ARID5A: variants seen among roughly 807,000 people sequenced by gnomAD.
ARID5A encodes AT-rich interaction domain 5A.
In ARID5A, 14 loss-of-function variants were observed where a neutral mutation model predicts 30.5. That is an observed-to-expected ratio of 0.46 (90% confidence interval 0.30 to 0.72). The LOEUF is 0.72. ARID5A is among the 30% of genes least tolerant of loss of function. ARID5A has a pLI of 0.07. For synonymous variants in ARID5A, 338 were observed against 340.4 expected (o/e 0.99, Z 0.08); for missense variants, 669 against 786.2 (o/e 0.85, Z 1.78).
Position 96,549,901 on chromosome 2 carries a change from C to T in ARID5A, c.312+96C>T. ...CTCTGGACAGAGGAAGAGCCAGGAT[C>T]CCCAGTCCTACCCCTGCGTCCCTGC... On this transcript the variant is annotated intron_variant, in intron 4 of 6. Coordinates refer to ENST00000357485, the MANE Select transcript of ARID5A (RefSeq NM_212481.3). The surrounding 1 kb of genome is among the most constrained non-coding windows in gnomAD (Gnocchi z 6.1). 6.5e-7 allele frequency: 1 copy of T among 1,547,402 alleles called. No homozygotes were observed.
At chr2:96,548,751 G>A (rs1336444742) in intron 2 of ARID5A, among the ~76,000 whole-genome samples, 1 of 152,218 alleles carries the variant, frequency 6.6e-6, no homozygotes, top group Non-Finnish European at 1.5e-5. Flanking sequence ...AAAGTCCTGT[G>A]CCCCTGACAG....
In ARID5A at chr2:96,550,067, G is replaced by A; in HGVS notation, c.313-121G>A. On this transcript the variant is annotated intron_variant, in intron 4 of 6. Transcript: ENST00000357485. This position sits in a 1 kb window ranked among gnomAD's most constrained non-coding sequence, Gnocchi z 6.6. The stretch of plus-strand genomic sequence containing the variant: ...GAGAGAGAATCGGCTGGCCGCTGCT[G>A]GAGCCGCAGAGCAGCTGCCAAACTG... 2 of 1,532,418 alleles carry A rather than the reference G, an allele frequency of 1.3e-6. No homozygotes were observed. The highest frequency in any genetic ancestry group is 1.7e-6 in the Non-Finnish European group (2 of 1,145,686). The allele number at this position is 1,532,418 out of a possible 1,614,324, so 94.9% of individuals were successfully genotyped here.
chr2:96,550,870 G>A lies in ARID5A; in HGVS notation c.570+137G>A. 2 of 1,317,016 alleles carry A rather than the reference G, an allele frequency of 1.5e-6. No individual in the cohort carries two copies. Among genetic ancestry groups the A allele is most frequent in the Non-Finnish European group, 2.0e-6 (2 of 985,164 alleles). 81.6% of individuals were successfully genotyped at this position (1,317,016 alleles called of 1,614,324 possible). A position where few individuals can be genotyped will look rare whatever the true frequency, so the allele number is the denominator to read the frequency against. On this transcript the variant is annotated intron_variant, in intron 6 of 6. Coordinates refer to ENST00000357485, the MANE Select transcript of ARID5A (RefSeq NM_212481.3). The surrounding 1 kb of genome is among the most constrained non-coding windows in gnomAD (Gnocchi z 6.6). ...CAGGGCGGGACTTGCAAGGTTCCAG[G>A]TTCTCCACAGATGGTTGTGCAAGTG... is the stretch of plus-strand genomic sequence containing the variant.
Position 96,549,240 on chromosome 2 carries a change from CT to C in ARID5A, c.121-80del. ...GGTTGGGGTAGGTACCTTATTCCTC[CT>C]GCAGCCAGTGGTTTCTGCACATCCC... On this transcript the variant is annotated intron_variant, in intron 2 of 6. Transcript: ENST00000357485. The surrounding 1 kb of genome is among the most constrained non-coding windows in gnomAD (Gnocchi z 6.1). 1 of 1,563,234 alleles carries C rather than the reference CT, an allele frequency of 6.4e-7. No individual in the cohort carries two copies. The highest frequency in any genetic ancestry group is 8.7e-7 in the Non-Finnish European group (1 of 1,154,934).
In ARID5A at chr2:96,552,199, G is replaced by T; in HGVS notation, c.1671G>T (p.Thr557=). 2 of 1,613,444 alleles carry T rather than the reference G, an allele frequency of 1.2e-6. No individual in the cohort carries two copies. Among genetic ancestry groups the T allele is most frequent in the East Asian group, 2.2e-5 (1 of 44,884 alleles). ...MAAGLMHFPP[T]SFDSALRHRL... is the part of the protein sequence containing the mutation. ...CTGGCCTGATGCACTTCCCCCCAAC[G>T]TCCTTCGACAGTGCCCTCCGCCACA... Residue 557 remains threonine, a synonymous_variant, in exon 7 of 7, where the codon ACG becomes ACT. Coordinates refer to ENST00000357485, the MANE Select transcript of ARID5A (RefSeq NM_212481.3).
At position 96,552,154 on chromosome 2, in the gene ARID5A, A is replaced by G. The variant is rs375464790; in HGVS notation, c.1626A>G (p.Ala542=). ...TCCCGGCCCACTTCCTGGCCACCGC[A>G]GGCCCCTCGCCCATGGCCGCTGGCC... ...PAFPAHFLAT[A]GPSPMAAGLM... Residue 542 remains alanine (A), a synonymous_variant, in exon 7 of 7, where the codon GCA becomes GCG. Coordinates refer to ENST00000357485, the MANE Select transcript of ARID5A (RefSeq NM_212481.3). The G allele has an allele frequency of 5.0e-6, 8 of 1,612,900 alleles. No individual in the cohort carries two copies. Among genetic ancestry groups the G allele is most frequent in the South Asian group, 1.1e-5 (1 of 91,030 alleles).
In ARID5A at chr2:96,549,918, C is replaced by A; in HGVS notation, c.312+113C>A. 3.3e-6 allele frequency: 5 copies of A among 1,532,190 alleles called. No homozygotes were observed. The highest frequency in any genetic ancestry group is 4.4e-6 in the Non-Finnish European group (5 of 1,137,196). 94.9% of individuals were successfully genotyped at this position (1,532,190 alleles called of 1,614,324 possible). ...GCCAGGATCCCCAGTCCTACCCCTG[C>A]GTCCCTGCCTCCCTGCCTTCCCCGC... is the stretch of plus-strand genomic sequence containing the variant. On this transcript the variant is annotated intron_variant, in intron 4 of 6. Transcript: ENST00000357485. The surrounding 1 kb of genome is among the most constrained non-coding windows in gnomAD (Gnocchi z 6.1).
Position 96,549,261 on chromosome 2 carries a change from C to A in ARID5A, c.121-60C>A. The A allele has an allele frequency of 6.3e-7, 1 of 1,584,730 alleles. No homozygotes were observed. The highest frequency in any genetic ancestry group is 8.6e-7 in the Non-Finnish European group (1 of 1,165,936). ...CCTCCTGCAGCCAGTGGTTTCTGCA[C>A]ATCCCCAGCAGCCAGCCACCAACTG... On this transcript the variant is annotated intron_variant, in intron 2 of 6. Coordinates refer to ENST00000357485, the MANE Select transcript of ARID5A (RefSeq NM_212481.3). The surrounding 1 kb of genome is among the most constrained non-coding windows in gnomAD (Gnocchi z 6.1).
In ARID5A at chr2:96,551,159, C is replaced by A. The variant is rs772290520; in HGVS notation, c.631C>A (p.Pro211Thr). 1.2e-6 allele frequency: 2 copies of A among 1,613,686 alleles called. No individual in the cohort carries two copies. The highest frequency in any genetic ancestry group is 4.5e-5 in the East Asian group (2 of 44,876). The change falls in exon 7 of 7, where the codon CCC becomes ACC. Residue 211 changes from proline to threonine, a missense_variant. Around this residue, in one of 4 missense-constraint regions of ARID5A, gnomAD observed 548 missense variants for 577.4 expected, o/e 0.95. Coordinates refer to ENST00000357485, the MANE Select transcript of ARID5A (RefSeq NM_212481.3). ...ADPAPLPSQE[P>T]PRNSTEQQGL... ...CCCAGCACCACTTCCCAGCCAGGAGCCCCCCAGGAACAGCACAGAACAGCA... is the reference window on the plus strand; with the variant it reads ...CCCAGCACCACTTCCCAGCCAGGAGACCCCCAGGAACAGCACAGAACAGCA...
rs539228547 is a variant in ARID5A, at chr2:96,551,044, C to T, written c.571-55C>T. On this transcript the variant is annotated intron_variant, in intron 6 of 6. Coordinates refer to ENST00000357485, the MANE Select transcript of ARID5A (RefSeq NM_212481.3). Reference sequence around the variant, plus strand: ...CCTGAAAGTGCCACCTCTTGCTCCTCAGGTCAGGATGTGGGGCTGAGGCAG... The same window carrying T: ...CCTGAAAGTGCCACCTCTTGCTCCTTAGGTCAGGATGTGGGGCTGAGGCAG... The T allele has an allele frequency of 3.9e-6, 6 of 1,545,014 alleles. No homozygotes were observed. In the Admixed American group the frequency reaches 9.7e-5, roughly 25 times the overall value.
chr2:96,550,223 C>G lies in ARID5A; in HGVS notation c.348C>G (p.Asp116Glu). The change falls in exon 5 of 7, where the codon GAC (aspartate) becomes GAG (glutamate). Residue 116 changes from aspartate to glutamate, a missense_variant. By Grantham distance (45) the Asp-to-Glu change is conservative. Around this residue, in one of 4 missense-constraint regions of ARID5A, gnomAD observed 64 missense variants for 119.7 expected, o/e 0.53. Transcript: ENST00000357485. This position sits in a 1 kb window ranked among gnomAD's most constrained non-coding sequence, Gnocchi z 6.6. Reference sequence around the variant, plus strand: ...GCCGCCTCTGGAAGAACGTGTACGACGAGCTGGGGGGCAGCCCAGGCAGCA... The same window carrying G: ...GCCGCCTCTGGAAGAACGTGTACGAGGAGCTGGGGGGCAGCCCAGGCAGCA... ...TGRRLWKNVY[D>E]ELGGSPGSTS... 1 of 1,533,694 alleles carries G rather than the reference C, an allele frequency of 6.5e-7. No individual in the cohort carries two copies. Among genetic ancestry groups the G allele is most frequent in the South Asian group, 1.2e-5 (1 of 83,354 alleles).
At position 96,550,261 on chromosome 2, in the gene ARID5A, C is replaced by T; in HGVS notation, c.386C>T (p.Thr129Met). 1 of 1,483,410 alleles carries T rather than the reference C, an allele frequency of 6.7e-7. No individual in the cohort carries two copies. Among genetic ancestry groups the T allele is most frequent in the Non-Finnish European group, 8.9e-7 (1 of 1,123,942 alleles). 91.9% of individuals were successfully genotyped at this position (1,483,410 alleles called of 1,614,324 possible). ...GGSPGSTSAA[T>M]CTRRHYERLV... Reference sequence around the variant, plus strand: ...AGCCCAGGCAGCACCAGCGCGGCCACGTGCACGCGCCGCCACTACGAGAGG... The same window carrying T: ...AGCCCAGGCAGCACCAGCGCGGCCATGTGCACGCGCCGCCACTACGAGAGG... The change falls in exon 5 of 7, where the codon ACG (threonine) becomes ATG (methionine). Residue 129 changes from threonine (T) to methionine (M), a missense_variant. This residue lies in a region of ARID5A where 64 missense variants were observed against 119.7 expected (regional missense o/e 0.53). Transcript: ENST00000357485. This position sits in a 1 kb window ranked among gnomAD's most constrained non-coding sequence, Gnocchi z 6.6.
chr2:96,540,209 C>G (rs1204667657), intron 1 of ARID5A, among the ~76,000 whole-genome samples: 1 of 152,242 alleles, frequency 6.6e-6, no homozygotes, highest in Middle Eastern at 3.2e-3. Context: ...GCATCCTCTA[C>G]TGGAGGCAGT....
chr2:96,552,471 A>G lies in ARID5A; in HGVS notation c.*158A>G. On this transcript the variant is annotated 3_prime_UTR_variant, in exon 7 of 7. Coordinates refer to ENST00000357485, the MANE Select transcript of ARID5A (RefSeq NM_212481.3). ...CACAAGTGAAGAAGAAGGCAGTGGG[A>G]AAACTGGGTTTATCTCAAGGCAGCA... is the stretch of plus-strand genomic sequence containing the variant. The G allele has an allele frequency of 6.5e-7, 1 of 1,540,120 alleles. No individual in the cohort carries two copies. The highest frequency in any genetic ancestry group is 8.7e-7 in the Non-Finnish European group (1 of 1,147,220).
In ARID5A at chr2:96,550,221, G is replaced by A. The variant is rs11544011; in HGVS notation, c.346G>A (p.Asp116Asn). The A allele has an allele frequency of 1.3e-6, 2 of 1,534,074 alleles. No individual in the cohort carries two copies. The highest frequency in any genetic ancestry group is 1.8e-6 in the Non-Finnish European group (2 of 1,142,030). ...TGRRLWKNVY[D>N]ELGGSPGSTS... ...GCGCCGCCTCTGGAAGAACGTGTAC[G>A]ACGAGCTGGGGGGCAGCCCAGGCAG... Residue 116 changes from aspartate (D) to asparagine (N), a missense_variant, in exon 5 of 7, where the codon GAC becomes AAC. Transcript: ENST00000357485. This position sits in a 1 kb window ranked among gnomAD's most constrained non-coding sequence, Gnocchi z 6.6.
At chr2:96,542,319 G>A (rs910536589) in intron 1 of ARID5A, among the ~76,000 whole-genome samples, 3 of 152,310 alleles carry the variant, frequency 2.0e-5, no homozygotes, top group Admixed American at 6.5e-5. Context: ...AATGGAGACC[G>A]AGTTCATCTG....
chr2:96,541,194 C>G (rs972430436), intron 1 of ARID5A, among the ~76,000 whole-genome samples: 4 of 151,894 alleles, frequency 2.6e-5, no homozygotes, highest in Non-Finnish European at 5.9e-5. Context: ...TGCGCCACCA[C>G]CCCCAGCTAA....
intron 1 of ARID5A, 146 bp downstream of exon 1, chr2:96,536,976 C>A: frequency 1.9e-6 from 2 of 1,070,328 alleles, no homozygotes; most frequent in Non-Finnish European, 2.4e-6. Context: ...TTTCGGGGCG[C>A]GGGCCAAGGG....
In ARID5A at chr2:96,543,199, A is replaced by G. The variant is rs144408759; in HGVS notation, c.5-4203A>G. On this transcript the variant is annotated intron_variant, in intron 1 of 6. Coordinates refer to ENST00000357485, the MANE Select transcript of ARID5A (RefSeq NM_212481.3). ...TAACCACAGCAGCCACTGGACCAGAATCAGACTTTGTTTTGAATCCTGGTC... is the reference window on the plus strand; with the variant it reads ...TAACCACAGCAGCCACTGGACCAGAGTCAGACTTTGTTTTGAATCCTGGTC... Among the ~76,000 whole-genome samples the G allele has an allele frequency of 9.2e-5, 14 of 152,344 alleles. 2 individuals are homozygous for G. Among genetic ancestry groups the G allele is most frequent in the African/African-American group, 3.4e-4 (14 of 41,578 alleles).
Sources: allele counts gnomAD v4.1 joint callset (sites outside exome capture counted in the v4.1 genomes callset), GRCh38; gene constraint gnomAD v4.1.1; regional missense constraint gnomAD v4.1.1; non-coding constraint Gnocchi (gnomAD v3.1); transcripts MANE v1.5; gene names NCBI Gene and HGNC (gene_info 2026-07-23, HGNC 2026-07-21).